SAMMSON: variants seen among roughly 807,000 people sequenced by gnomAD.
SAMMSON encodes the protein long intergenic non-protein coding RNA 1212.
At chr3:70,170,479 TA>T (rs1202781079) in intron 4 of SAMMSON, among the ~76,000 whole-genome samples, 1 of 151,706 alleles carries the variant, frequency 6.6e-6, no homozygotes, top group Non-Finnish European at 1.5e-5. Flanking sequence ...ATAATATTTT[TA>T]CTTTATACCG....
intron 6 of SAMMSON, among the ~76,000 whole-genome samples, chr3:70,259,363 A>G (rs781087251): frequency 6.6e-6 from 1 of 152,120 alleles, no homozygotes; most frequent in African/African-American, 2.4e-5. Context: ...ACCTTGATAG[A>G]CAGTGGAAGA....
intron 7 of SAMMSON, among the ~76,000 whole-genome samples, chr3:70,324,222 A>T (rs1702561174): frequency 6.7e-6 from 1 of 149,292 alleles, no homozygotes; most frequent in African/African-American, 2.4e-5. Flanking sequence ...ATCCACACAC[A>T]CAGAAAGAGA....
At chr3:70,173,420 A>G (rs1419288805) in intron 4 of SAMMSON, among the ~76,000 whole-genome samples, 1 of 151,988 alleles carries the variant, frequency 6.6e-6, no homozygotes, top group Non-Finnish European at 1.5e-5. Context: ...AAATAATGAT[A>G]TAAAATTTGT....
At chr3:70,411,108 C>T (rs917093847) in intron 2 of SAMMSON, among the ~76,000 whole-genome samples, 5 of 152,072 alleles carry the variant, frequency 3.3e-5, no homozygotes, top group South Asian at 2.1e-4. Context: ...CATTGATCTA[C>T]GTAAAATAGC....
chr3:70,401,704 C>A (rs920788327), intron 2 of SAMMSON, among the ~76,000 whole-genome samples: 1 of 151,934 alleles, frequency 6.6e-6, no homozygotes, highest in Non-Finnish European at 1.5e-5. Flanking sequence ...CTATTCCTTG[C>A]TAAAAGAAAT....
intron 3 of SAMMSON, among the ~76,000 whole-genome samples, chr3:70,052,699 T>G (rs968379389): frequency 1.3e-5 from 2 of 152,094 alleles, no homozygotes; most frequent in East Asian, 3.9e-4. Context: ...GGCTGAATAA[T>G]TCTTCATTGT....
chr3:70,384,186 T>C (rs942048721), intron 9 of SAMMSON, among the ~76,000 whole-genome samples: 2 of 152,100 alleles, frequency 1.3e-5, no homozygotes, highest in African/African-American at 4.8e-5. Context: ...GCTGATTTAA[T>C]CAATCCTTTT....
intron 3 of SAMMSON, among the ~76,000 whole-genome samples, chr3:70,028,972 A>C (rs1323661830): frequency 6.6e-6 from 1 of 152,198 alleles, no homozygotes. Flanking sequence ...CTGGGCTTAG[A>C]GAGATTAAGA....
chr3:70,248,932 A>G (rs1464231048), intron 4 of SAMMSON, among the ~76,000 whole-genome samples: 3 of 152,180 alleles, frequency 2.0e-5, no homozygotes, highest in Non-Finnish European at 4.4e-5. Context: ...GCTTTAAGAC[A>G]TTATTCCAAT....
intron 4 of SAMMSON, among the ~76,000 whole-genome samples, chr3:70,168,109 T>C (rs974538828): frequency 6.6e-6 from 1 of 151,974 alleles, no homozygotes; most frequent in Non-Finnish European, 1.5e-5. Flanking sequence ...CAAAGAGTGG[T>C]TCTCCTCCAG....
intron 1 of SAMMSON, among the ~76,000 whole-genome samples, chr3:70,011,789 T>C (rs2066957123): frequency 6.6e-6 from 1 of 151,916 alleles, no homozygotes; most frequent in African/African-American, 2.4e-5. Flanking sequence ...AACAAATAAA[T>C]CACTTGCTAT....
At chr3:70,109,936 A>G (rs2067381711) in intron 4 of SAMMSON, among the ~76,000 whole-genome samples, 1 of 152,208 alleles carries the variant, frequency 6.6e-6, no homozygotes, top group African/African-American at 2.4e-5. Context: ...AAACTTTGCA[A>G]TTTATTTGGG....
At chr3:70,362,009 A>G (rs1702875099) in intron 9 of SAMMSON, among the ~76,000 whole-genome samples, 1 of 152,144 alleles carries the variant, frequency 6.6e-6, no homozygotes, top group Admixed American at 6.5e-5. Context: ...GGATTTCCCG[A>G]GATGAATGTT....
chr3:70,337,059 TAATA>T (rs1264680334), intron 7 of SAMMSON, among the ~76,000 whole-genome samples: 15 of 81,790 alleles, frequency 1.8e-4, no homozygotes, highest in African/African-American at 4.5e-4. Context: ...TTATTATTAT[TAATA>T]ATAATATCTA....
intron 9 of SAMMSON, among the ~76,000 whole-genome samples, chr3:70,379,306 T>A (rs1002547341): frequency 6.6e-6 from 1 of 152,164 alleles, no homozygotes; most frequent in Non-Finnish European, 1.5e-5. Context: ...AATAATTGTT[T>A]AACTGAAATC....
chr3:70,341,574 G>A lies in SAMMSON; in HGVS notation n.740-12601G>A, dbSNP rs374323804. 2.1e-4 allele frequency among the ~76,000 whole-genome samples: 32 copies of A among 152,232 alleles called. No homozygotes were observed. In the East Asian group the frequency reaches 2.9e-3, roughly 14 times the overall value. On this transcript the variant is annotated intron_variant and non_coding_transcript_variant, in intron 7 of 9. Coordinates refer to ENST00000642114, the Ensembl canonical transcript of SAMMSON. Reference sequence around the variant, plus strand: ...TCTGGTTAATGAGATTGGAGACTAAGACTGATAGGGAGTATTTTCCTTCTT... The same window carrying A: ...TCTGGTTAATGAGATTGGAGACTAAAACTGATAGGGAGTATTTTCCTTCTT...
intron 4 of SAMMSON, among the ~76,000 whole-genome samples, chr3:70,089,716 G>A (rs1268120738): frequency 6.6e-6 from 1 of 152,006 alleles, no homozygotes; most frequent in Non-Finnish European, 1.5e-5. Flanking sequence ...TTCGGTAGGG[G>A]CCATTTTTGG....
At chr3:70,011,286 T>C (rs540477071) in intron 1 of SAMMSON, among the ~76,000 whole-genome samples, 1 of 152,258 alleles carries the variant, frequency 6.6e-6, no homozygotes, top group East Asian at 1.9e-4. Flanking sequence ...TCCACTTTGT[T>C]ATGCAGAGCA....
intron 4 of SAMMSON, among the ~76,000 whole-genome samples, chr3:70,239,962 G>A (rs1701650322): frequency 6.6e-6 from 1 of 151,966 alleles, no homozygotes; most frequent in Admixed American, 6.6e-5. Flanking sequence ...ACTGACCAAA[G>A]TAGTAAGCTT....
Sources: gnomAD v4.1 joint callset for allele counts (sites outside exome capture counted in the v4.1 genomes callset) on GRCh38, gnomAD v4.1.1 for gene constraint, MANE v1.5 for transcripts, NCBI Gene and HGNC (gene_info 2026-07-23, HGNC 2026-07-21) for gene names.